TBCA: variants seen among roughly 807,000 people sequenced by gnomAD.
The protein encoded by TBCA is tubulin folding cofactor A, also known as tubulin-specific chaperone A.
TBCA carries 6 observed loss-of-function variants against 15.8 expected under a neutral mutation model. That is an observed-to-expected ratio of 0.38 (90% CI 0.21 to 0.75). The LOEUF (loss-of-function observed/expected upper bound fraction) is 0.75, where lower values mean the gene tolerates loss of function less well. Ranked by LOEUF, TBCA falls within the 30% of genes least tolerant of loss-of-function variation. The probability of loss-of-function intolerance (pLI) is 0.46; values close to 1 mark genes in which losing one functional copy is unlikely to be tolerated. For synonymous variants in TBCA, 32 were observed against 42.3 expected (o/e 0.76, Z 0.94); for missense variants, 90 against 131.2 (o/e 0.69, Z 1.53).
chr5:77,772,124 G>GC (rs907745954), intron 1 of TBCA, among the ~76,000 whole-genome samples: 16 of 150,368 alleles, frequency 1.1e-4, no homozygotes, highest in African/African-American at 3.2e-4. Context: ...TTTCACAAAA[G>GC]CAAGAACATG....
intron 1 of TBCA, among the ~76,000 whole-genome samples, chr5:77,750,128 T>G (rs1376492911): frequency 8.3e-6 from 1 of 120,024 alleles, no homozygotes; most frequent in African/African-American, 2.9e-5. Context: ...TTTGCAAATT[T>G]GTGCTCTCTC....
At position 77,735,877 on chromosome 5, in the gene TBCA, A is replaced by C. The variant is rs561486265; in HGVS notation, c.54-27530T>G. Among the ~76,000 whole-genome samples, 18 of 152,344 alleles carry C rather than the reference A, an allele frequency of 1.2e-4. No homozygotes were observed. In the South Asian group the frequency reaches 3.5e-3, roughly 30 times the overall value. ...CATAAATTTGCATTAAAAACAAAAC[A>C]AAATAAAACAAATTTTGCAATAAAA... On this transcript the variant is annotated intron_variant, in intron 1 of 3. Coordinates refer to ENST00000380377, the MANE Select transcript of TBCA (RefSeq NM_004607.3).
chr5:77,708,381 G>C (rs1746197716), intron 1 of TBCA, 34 bp from the exon 2 acceptor site: 1 of 1,333,020 alleles, frequency 7.5e-7, no homozygotes, highest in Non-Finnish European at 1.1e-6. Flanking sequence ...TAGAAAATTA[G>C]CTTTCTCTCC....
intron 1 of TBCA, among the ~76,000 whole-genome samples, chr5:77,737,280 A>C (rs1290111544): frequency 6.6e-6 from 1 of 152,248 alleles, no homozygotes; most frequent in Non-Finnish European, 1.5e-5. Flanking sequence ...AAACAAAACA[A>C]AAAAACAGGC....
intron 2 of TBCA, among the ~76,000 whole-genome samples, chr5:77,696,835 T>C (rs1745882904): frequency 6.6e-6 from 1 of 152,176 alleles, no homozygotes; most frequent in African/African-American, 2.4e-5. Flanking sequence ...GGAGGATTAC[T>C]TGAGCCCAGG....
At chr5:77,750,981 A>C (rs187391637) in intron 1 of TBCA, among the ~76,000 whole-genome samples, 1 of 152,220 alleles carries the variant, frequency 6.6e-6, no homozygotes, top group East Asian at 1.9e-4. Context: ...GGTTAAGATA[A>C]GGGTTATGAA....
At chr5:77,741,695 G>A (rs1441761611) in intron 1 of TBCA, among the ~76,000 whole-genome samples, 2 of 152,096 alleles carry the variant, frequency 1.3e-5, no homozygotes, top group African/African-American at 4.8e-5. Context: ...AACCTGAAGG[G>A]AGATTTTATA....
chr5:77,770,712 A>G (rs1747885173), intron 1 of TBCA, among the ~76,000 whole-genome samples: 1 of 151,326 alleles, frequency 6.6e-6, no homozygotes, highest in Admixed American at 6.6e-5. Flanking sequence ...TCTGCTGGAA[A>G]CATAGATCCA....
intron 1 of TBCA, among the ~76,000 whole-genome samples, chr5:77,763,197 T>TGCGCCAC (rs1747686714): frequency 3.3e-5 from 5 of 151,940 alleles, no homozygotes; most frequent in Admixed American, 3.3e-4. Flanking sequence ...TGAGTCGAGA[T>TGCGCCAC]TGCGCCACTG....
In TBCA at chr5:77,758,656, C is replaced by G. The variant is rs148948619; in HGVS notation, c.53+17549G>C. Reference sequence around the variant, plus strand: ...GTCTTGTGTCCCTTTCCCCATGACTCTTCACTTAGTGTGGGCTGCCTTCAT... The same window carrying G: ...GTCTTGTGTCCCTTTCCCCATGACTGTTCACTTAGTGTGGGCTGCCTTCAT... On this transcript the variant is annotated intron_variant, in intron 1 of 3. Transcript: ENST00000380377. Among the ~76,000 whole-genome samples, 467 of 152,304 alleles carry G rather than the reference C, an allele frequency of 3.1e-3. 6 individuals are homozygous for G. The highest frequency in any genetic ancestry group is 0.011 in the African/African-American group (450 of 41,560).
At chr5:77,708,723 C>G (rs371340920) in intron 1 of TBCA, 2 of 153,826 alleles carry the variant, frequency 1.3e-5, no homozygotes, top group African/African-American at 4.8e-5. Flanking sequence ...GCACCCGTCA[C>G]CACGCCCGGC....
At chr5:77,729,593 A>G (rs1406298440) in intron 1 of TBCA, among the ~76,000 whole-genome samples, 1 of 152,188 alleles carries the variant, frequency 6.6e-6, no homozygotes, top group Non-Finnish European at 1.5e-5. Flanking sequence ...TCTGCGTAAG[A>G]TTGCTTTTGG....
At chr5:77,749,770 G>A (rs578259477) in intron 1 of TBCA, among the ~76,000 whole-genome samples, 1 of 152,142 alleles carries the variant, frequency 6.6e-6, no homozygotes, top group African/African-American at 2.4e-5. Context: ...GAAATTCACA[G>A]TAGCATTTTC....
intron 1 of TBCA, among the ~76,000 whole-genome samples, chr5:77,768,981 G>A (rs1157501089): frequency 6.6e-6 from 1 of 152,128 alleles, no homozygotes; most frequent in Non-Finnish European, 1.5e-5. Context: ...CACATACAGG[G>A]CCAAAGATCT....
At chr5:77,773,732 C>T (rs1465691466) in intron 1 of TBCA, among the ~76,000 whole-genome samples, 1 of 152,160 alleles carries the variant, frequency 6.6e-6, no homozygotes, top group African/African-American at 2.4e-5. Flanking sequence ...AATTTATTCT[C>T]CCTTTTGCCT....
At chr5:77,709,842 C>G (rs1746235758) in intron 1 of TBCA, among the ~76,000 whole-genome samples, 1 of 152,070 alleles carries the variant, frequency 6.6e-6, no homozygotes, top group Admixed American at 6.6e-5. Flanking sequence ...ACATAAAGTG[C>G]TGATTCAAGC....
At chr5:77,718,108 C>A (rs1322135907) in intron 1 of TBCA, among the ~76,000 whole-genome samples, 2 of 152,126 alleles carry the variant, frequency 1.3e-5, no homozygotes, top group East Asian at 3.9e-4. Context: ...CCAGCCTGGG[C>A]AACAAGAGTG....
chr5:77,738,574 C>G (rs763899559), intron 1 of TBCA, among the ~76,000 whole-genome samples: 30 of 152,174 alleles, frequency 2.0e-4, no homozygotes, highest in Non-Finnish European at 3.1e-4. Context: ...AAAATAGATT[C>G]AAGTCATCAG....
chr5:77,692,244 T>A, intron 3 of TBCA: 1 of 985,310 alleles, frequency 1.0e-6, no homozygotes, highest in Non-Finnish European at 1.2e-6. Flanking sequence ...AAATAAAGTA[T>A]GTGTGTATTT....
Sources: allele counts gnomAD v4.1 joint callset (sites outside exome capture counted in the v4.1 genomes callset), GRCh38; gene constraint gnomAD v4.1.1; transcripts MANE v1.5; gene names NCBI Gene and HGNC (gene_info 2026-07-23, HGNC 2026-07-21).